Variants in DHX32 observed in about 807,000 individuals in gnomAD.
DHX32 encodes the protein DEAH-box helicase 32 (putative).
In DHX32, 51 loss-of-function variants were observed where a neutral mutation model predicts 70.0. That is an observed-to-expected ratio of 0.73 (90% CI 0.58 to 0.92). The LOEUF is 0.92. DHX32 is among the 40% of genes least tolerant of loss of function. The pLI is 0.00. For synonymous variants in DHX32, 310 were observed against 315.3 expected (o/e 0.98, Z 0.18); for missense variants, 762 against 891.8 (o/e 0.85, Z 1.85).
chr10:125,849,601 G>A (rs1240378694), intron 6 of DHX32, among the ~76,000 whole-genome samples: 1 of 151,428 alleles, frequency 6.6e-6, no homozygotes, highest in African/African-American at 2.5e-5. Flanking sequence ...ATATTTGCTC[G>A]ACTCTCTGGG....
At chr10:125,841,346 C>T (rs1854874585) in intron 7 of DHX32, 2 of 1,613,858 alleles carry the variant, frequency 1.2e-6, no homozygotes, top group East Asian at 2.2e-5. Context: ...TCTGTTCCCC[C>T]AGTATTAGAA....
At chr10:125,855,615 A>AT (rs946792765) in intron 3 of DHX32, among the ~76,000 whole-genome samples, 12 of 151,398 alleles carry the variant, frequency 7.9e-5, no homozygotes, top group African/African-American at 2.2e-4. Flanking sequence ...TGGCCGGCTA[A>AT]TTTTTTTTGT....
chr10:125,855,220 C>CAA (rs752413341), intron 3 of DHX32, among the ~76,000 whole-genome samples: 30 of 73,648 alleles, frequency 4.1e-4, no homozygotes, highest in African/African-American at 8.8e-4. Flanking sequence ...GACTCCGTCT[C>CAA]AAAAAAAAAA....
intron 6 of DHX32, among the ~76,000 whole-genome samples, chr10:125,850,265 A>C: frequency 6.6e-6 from 1 of 151,308 alleles, no homozygotes; most frequent in Non-Finnish European, 1.5e-5. Flanking sequence ...GGTGTGAGCC[A>C]CCATGCCCAG....
intron 1 of DHX32, chr10:125,896,110 A>G: frequency 6.1e-6 from 1 of 162,668 alleles, no homozygotes; most frequent in Non-Finnish European, 1.3e-5. Flanking sequence ...CGGGCAGGGG[A>G]CCCCCAGGCG....
chr10:125,877,903 A>G lies in DHX32; in HGVS notation c.282+2640T>C, dbSNP rs145809707. Reference sequence around the variant, plus strand: ...ATTCTATTCTATTAGAGCATAGTCTATTCTACTAGATCTATTCGTAACTTC... The same window carrying G: ...ATTCTATTCTATTAGAGCATAGTCTGTTCTACTAGATCTATTCGTAACTTC... On this transcript the variant is annotated intron_variant, in intron 1 of 10. Coordinates refer to ENST00000284690, the MANE Select transcript of DHX32 (RefSeq NM_018180.3). 3.8e-4 allele frequency among the ~76,000 whole-genome samples: 58 copies of G among 152,296 alleles called. No homozygotes were observed. The East Asian group carries it at 8.1e-3, about 21-fold the overall frequency.
Position 125,836,790 on chromosome 10 carries a change from A to G in DHX32, c.2129T>C (p.Leu710Pro). Reference sequence around the variant, plus strand: ...GGATAGGTGATCCACTACTTGCTGTAGAATGTCCTTACTTTCACTAGGAGG... The same window carrying G: ...GGATAGGTGATCCACTACTTGCTGTGGAATGTCCTTACTTTCACTAGGAGG... ...NLPPSESKDI[L>P]QQVVDHLSPV... is the part of the protein sequence containing the mutation. Residue 710 changes from leucine (L) to proline (P), a missense_variant, in exon 11 of 11, where the codon CTA becomes CCA. This residue lies in a region of DHX32 where 366 missense variants were observed against 402.6 expected (regional missense o/e 0.91). Coordinates refer to ENST00000284690, the MANE Select transcript of DHX32 (RefSeq NM_018180.3). 6.2e-7 allele frequency: 1 copy of G among 1,614,154 alleles called. No individual in the cohort carries two copies. The highest frequency in any genetic ancestry group is 1.3e-5 in the African/African-American group (1 of 75,052).
In DHX32 at chr10:125,839,071, T is replaced by G; in HGVS notation, c.1811A>C (p.Glu604Ala). The G allele has an allele frequency of 6.2e-7, 1 of 1,614,228 alleles. No individual in the cohort carries two copies. Among genetic ancestry groups the G allele is most frequent in the Non-Finnish European group, 8.5e-7 (1 of 1,180,036 alleles). Residue 604 changes from glutamate to alanine, a missense_variant, in exon 9 of 11, where the codon GAA becomes GCA. This residue lies in a region of DHX32 where 366 missense variants were observed against 402.6 expected (regional missense o/e 0.91). Coordinates refer to ENST00000284690, the MANE Select transcript of DHX32 (RefSeq NM_018180.3). ...GTTTTCCTTGGAGCCAAAAGCAGGTTCTGCATAGGGAAGCTCGATTCGCTT... is the reference window on the plus strand; with the variant it reads ...GTTTTCCTTGGAGCCAAAAGCAGGTGCTGCATAGGGAAGCTCGATTCGCTT... ...IIKRIELPYA[E>A]PAFGSKENTL...
intron 1 of DHX32, among the ~76,000 whole-genome samples, chr10:125,887,462 G>A (rs1239303584): frequency 1.1e-4 from 16 of 152,114 alleles, no homozygotes; most frequent in Non-Finnish European, 2.1e-4. Context: ...GGGCCAGATC[G>A]CAAAATACCT....
intron 1 of DHX32, among the ~76,000 whole-genome samples, chr10:125,875,856 A>G (rs1402715318): frequency 6.6e-6 from 1 of 152,220 alleles, no homozygotes; most frequent in African/African-American, 2.4e-5. Flanking sequence ...TGATGACAGC[A>G]AAATGAAACT....
Position 125,859,667 on chromosome 10 carries a change from A to C in DHX32, c.785T>G (p.Leu262Arg), listed in dbSNP as rs1290853913. The part of the protein sequence containing the change: ...QKDSFESILR[L>R]IFEIHHSGEK... ...ACCCGAGTGGTGAATTTCAAAGATA[A>C]GGCGTAAAATAGACTCAAAAGAATC... The change falls in exon 3 of 11, where the codon CTT becomes CGT. Residue 262 changes from leucine (L) to arginine (R), a missense_variant. Around this residue, in one of 3 missense-constraint regions of DHX32, gnomAD observed 394 missense variants for 473.1 expected, o/e 0.83. Transcript: ENST00000284690. 28 of 1,610,200 alleles carry C rather than the reference A, an allele frequency of 1.7e-5. No homozygotes were observed. Among genetic ancestry groups the C allele is most frequent in the Non-Finnish European group, 2.1e-5 (25 of 1,178,950 alleles).
chr10:125,865,007 C>T (rs1944212199), intron 2 of DHX32, among the ~76,000 whole-genome samples: 1 of 142,168 alleles, frequency 7.0e-6, no homozygotes, highest in African/African-American at 2.6e-5. Flanking sequence ...CATGACAAAG[C>T]TCTTATAATA....
intron 1 of DHX32, among the ~76,000 whole-genome samples, chr10:125,876,468 G>T (rs557757086): frequency 1.3e-5 from 2 of 152,288 alleles, no homozygotes; most frequent in South Asian, 4.1e-4. Flanking sequence ...GAGGGAAATT[G>T]TTAACTTTTC....
Position 125,838,166 on chromosome 10 carries a change from TAAAAA to T in DHX32, c.2063+35_2063+39del. 3 of 1,350,430 alleles carry T rather than the reference TAAAAA, an allele frequency of 2.2e-6. No homozygotes were observed. The African/African-American group carries it at 4.5e-5, about 20-fold the overall frequency. 83.7% of individuals were successfully genotyped at this position (1,350,430 alleles called of 1,614,324 possible). ...GTCATTTACTCCTACAGGTATGAAT[TAAAAA>T]AAAAATACAACCCTTTCTTCTCCAT... On this transcript the variant is annotated intron_variant, in intron 10 of 10. Coordinates refer to ENST00000284690, the MANE Select transcript of DHX32 (RefSeq NM_018180.3).
chr10:125,838,715 T>C (rs1224217720), intron 9 of DHX32, among the ~76,000 whole-genome samples: 1 of 152,192 alleles, frequency 6.6e-6, no homozygotes, highest in Non-Finnish European at 1.5e-5. Context: ...CCAAGTGCTT[T>C]ACACTTGGTG....
upstream of DHX32, chr10:125,881,359 A>G (rs1163032465): frequency 6.6e-6 from 1 of 152,668 alleles, no homozygotes; most frequent in Non-Finnish European, 1.5e-5. Context: ...TGTGAATGGA[A>G]AGCAACAGGA....
intron 6 of DHX32, among the ~76,000 whole-genome samples, chr10:125,851,920 CAAAAAAAAAAA>C (rs56380138): frequency 1.2e-5 from 1 of 86,788 alleles, no homozygotes. Context: ...GACCCTGTCT[CAAAAAAAAAAA>C]AAAAAAAAAA....
chr10:125,840,951 G>A lies in DHX32; in HGVS notation c.1589C>T (p.Ala530Val), dbSNP rs1453467109. The change falls in exon 8 of 11, where the codon GCC (alanine) becomes GTC (valine). Residue 530 changes from alanine to valine, a missense_variant. Ala to Val is a moderately conservative substitution (Grantham distance 64). Coordinates refer to ENST00000284690, the MANE Select transcript of DHX32 (RefSeq NM_018180.3). Reference sequence around the variant, plus strand: ...TAAAAATGTCTTCCAACAAGTCAAGGCAGCCTCTTCAGCTCCATGTGGCAC... The same window carrying A: ...TAAAAATGTCTTCCAACAAGTCAAGACAGCCTCTTCAGCTCCATGTGGCAC... ...SHVPHGAEEAALTCWKTFLHP... is the reference protein window; with the variant it reads ...SHVPHGAEEAVLTCWKTFLHP... The A allele has an allele frequency of 3.7e-6, 6 of 1,612,068 alleles. No homozygotes were observed. The Admixed American group carries it at 8.3e-5, about 22-fold the overall frequency.
chr10:125,841,255 G>A lies in DHX32; in HGVS notation c.1544-259C>T, dbSNP rs776168488. On this transcript the variant is annotated intron_variant, in intron 7 of 10. Transcript: ENST00000284690. ...TAATATCCTGCTTCTATTCCGGCAG[G>A]AGCAGGGAAAACCTGAGGTGCTTGG... The A allele has an allele frequency of 5.6e-6, 9 of 1,613,812 alleles. No individual in the cohort carries two copies. In the East Asian group the frequency reaches 1.3e-4, roughly 24 times the overall value.
Sources: gnomAD v4.1 joint callset for allele counts (sites outside exome capture counted in the v4.1 genomes callset) on GRCh38, gnomAD v4.1.1 for gene constraint, gnomAD v4.1.1 regional missense constraint, MANE v1.5 for transcripts, NCBI Gene and HGNC (gene_info 2026-07-23, HGNC 2026-07-21) for gene names.